The following HCN1 variants were observed in gnomAD, a reference collection of about 807,000 sequenced individuals.
HCN1 encodes the protein potassium/sodium hyperpolarization-activated cyclic nucleotide-gated channel 1.
A neutral mutation model predicts 78.9 loss-of-function variants in HCN1; 13 were observed. That is an observed-to-expected ratio of 0.16 (90% confidence interval 0.11 to 0.26). The LOEUF (loss-of-function observed/expected upper bound fraction) is 0.26, where lower values mean the gene tolerates loss of function less well. Ranked by LOEUF, HCN1 falls within the 10% of genes least tolerant of loss-of-function variation. The pLI is 1.00. For synonymous variants in HCN1, 552 were observed against 455.5 expected, an observed-to-expected ratio of 1.21 and a Z score of -2.70; for missense variants, 810 against 1,154.3, an observed-to-expected ratio of 0.70 and a Z score of 4.32.
intron 2 of HCN1, among the ~76,000 whole-genome samples, chr5:45,495,657 G>C (rs1398684397): frequency 6.6e-6 from 1 of 152,158 alleles, no homozygotes; most frequent in Non-Finnish European, 1.5e-5. Flanking sequence ...AGTGGTGAGA[G>C]AGGTCATCCC....
intron 4 of HCN1, among the ~76,000 whole-genome samples, chr5:45,371,072 T>A (rs1296765928): frequency 1.3e-5 from 2 of 151,882 alleles, no homozygotes; most frequent in Non-Finnish European, 2.9e-5. Context: ...CAATGAGAAT[T>A]TTGAAAAGCA....
At chr5:45,671,267 A>G (rs1427221795) in intron 1 of HCN1, among the ~76,000 whole-genome samples, 4 of 151,528 alleles carry the variant, frequency 2.6e-5, no homozygotes, top group Admixed American at 2.0e-4. Flanking sequence ...CAAATGTCAT[A>G]TCCCTTCACT....
At chr5:45,422,394 G>T (rs778600927) in intron 3 of HCN1, among the ~76,000 whole-genome samples, 6 of 152,050 alleles carry the variant, frequency 3.9e-5, no homozygotes, top group African/African-American at 1.4e-4. Context: ...TGTCAGCTAC[G>T]AATCTTGCCG....
chr5:45,420,876 C>T lies in HCN1; in HGVS notation c.1012-24166G>A, dbSNP rs1740212990. Among the ~76,000 whole-genome samples the T allele has an allele frequency of 2.0e-5, 3 of 152,228 alleles. No homozygotes were observed. In the South Asian group the frequency reaches 6.2e-4, roughly 32 times the overall value. On this transcript the variant is annotated intron_variant, in intron 3 of 7. Coordinates refer to ENST00000303230, the MANE Select transcript of HCN1 (RefSeq NM_021072.4). ...TGAAAACCAGGTAAGGCTCTAATTC[C>T]CAAAGTGACAGCTAACTTGTCTAAT...
intron 2 of HCN1, among the ~76,000 whole-genome samples, chr5:45,613,479 G>A (rs1744883255): frequency 6.6e-6 from 1 of 151,916 alleles, no homozygotes; most frequent in Non-Finnish European, 1.5e-5. Flanking sequence ...TGCTGGAGAG[G>A]ATGTGGAGAA....
At chr5:45,619,462 G>A (rs1046924670) in intron 2 of HCN1, among the ~76,000 whole-genome samples, 1 of 152,062 alleles carries the variant, frequency 6.6e-6, no homozygotes, top group Non-Finnish European at 1.5e-5. Flanking sequence ...ATTAGCTAAA[G>A]CTAGATCAAT....
At position 45,300,805 on chromosome 5, in the gene HCN1, C is replaced by T. The variant is rs558523265; in HGVS notation, c.1618+2794G>A. ...TTTCCCCTTCATTCAAACATTAATTCTCTGCACTTTCTAAAGCAGGCCCTG... is the reference window on the plus strand; with the variant it reads ...TTTCCCCTTCATTCAAACATTAATTTTCTGCACTTTCTAAAGCAGGCCCTG... On this transcript the variant is annotated intron_variant, in intron 6 of 7. Transcript: ENST00000303230. 3.9e-5 allele frequency among the ~76,000 whole-genome samples: 6 copies of T among 152,154 alleles called. No individual in the cohort carries two copies. The South Asian group carries it at 6.2e-4, about 16-fold the overall frequency.
At chr5:45,558,573 G>A (rs1743523497) in intron 2 of HCN1, 1 of 152,078 alleles carries the variant, frequency 6.6e-6, no homozygotes, top group African/African-American at 2.4e-5. Context: ...ATCAATGTCT[G>A]GCTTTAAATC....
intron 5 of HCN1, among the ~76,000 whole-genome samples, chr5:45,346,112 C>T (rs190413718): frequency 8.3e-4 from 127 of 152,244 alleles, no homozygotes; most frequent in Non-Finnish European, 1.6e-3. Flanking sequence ...CATCAGATCT[C>T]GTGAGAACTT....
intron 4 of HCN1, among the ~76,000 whole-genome samples, chr5:45,390,557 G>A (rs1343818780): frequency 1.3e-5 from 2 of 152,096 alleles, no homozygotes; most frequent in Admixed American, 1.3e-4. Flanking sequence ...GAAATCTTTA[G>A]CACTTTGCAC....
At chr5:45,374,179 T>TATATACATTATATACATAACATATATA (rs1561130356) in intron 4 of HCN1, among the ~76,000 whole-genome samples, 1 of 92,358 alleles carries the variant, frequency 1.1e-5, no homozygotes, top group Non-Finnish European at 2.2e-5. Flanking sequence ...TAATATATAT[T>TATATACATTATATACATAACATATATA]ATATATTATA....
At chr5:45,596,131 C>T (rs2111954970) in intron 2 of HCN1, among the ~76,000 whole-genome samples, 1 of 152,210 alleles carries the variant, frequency 6.6e-6, no homozygotes, top group South Asian at 2.1e-4. Context: ...ATCTCCTGAC[C>T]TTGTGATCCA....
At chr5:45,314,634 A>T (rs1745937882) in intron 5 of HCN1, among the ~76,000 whole-genome samples, 1 of 152,192 alleles carries the variant, frequency 6.6e-6, no homozygotes, top group Non-Finnish European at 1.5e-5. Context: ...GCTGTGTTCC[A>T]TTCAAGACCC....
chr5:45,632,090 T>A (rs1272620165), intron 2 of HCN1, among the ~76,000 whole-genome samples: 2 of 152,052 alleles, frequency 1.3e-5, no homozygotes, highest in Non-Finnish European at 2.9e-5. Flanking sequence ...GTTTTTGCAG[T>A]TTTGAGAGGC....
chr5:45,295,343 T>C (rs1231029468), intron 6 of HCN1, among the ~76,000 whole-genome samples: 1 of 152,010 alleles, frequency 6.6e-6, no homozygotes, highest in Non-Finnish European at 1.5e-5. Context: ...AAAATATAAG[T>C]TCCATAAGTA....
intron 4 of HCN1, among the ~76,000 whole-genome samples, chr5:45,360,380 G>C (rs1314190333): frequency 6.6e-6 from 1 of 151,212 alleles, no homozygotes; most frequent in Non-Finnish European, 1.5e-5. Flanking sequence ...ATAATCACTG[G>C]GCTTATGACT....
intron 6 of HCN1, among the ~76,000 whole-genome samples, chr5:45,271,752 A>G (rs992628097): frequency 2.0e-5 from 3 of 152,162 alleles, no homozygotes; most frequent in African/African-American, 7.2e-5. Flanking sequence ...AAATTATTTA[A>G]TCACCTACAA....
At chr5:45,682,949 T>C (rs1381163455) in intron 1 of HCN1, among the ~76,000 whole-genome samples, 2 of 152,112 alleles carry the variant, frequency 1.3e-5, no homozygotes, top group Non-Finnish European at 2.9e-5. Context: ...TACTACCCTA[T>C]ACATTTTCAA....
intron 4 of HCN1, among the ~76,000 whole-genome samples, chr5:45,372,990 A>T (rs565276808): frequency 7.1e-6 from 1 of 140,006 alleles, no homozygotes; most frequent in South Asian, 2.2e-4. Flanking sequence ...AAAAAATAAT[A>T]TATAAAAATA....
Sources: allele counts gnomAD v4.1 joint callset (sites outside exome capture counted in the v4.1 genomes callset), GRCh38; gene constraint gnomAD v4.1.1; transcripts MANE v1.5; gene names NCBI Gene and HGNC (gene_info 2026-07-23, HGNC 2026-07-21).